Variants in TRABD2B observed in about 807,000 individuals in gnomAD.
TRABD2B encodes the protein metalloprotease TIKI2.
Under a neutral mutation model 40.1 loss-of-function variants are expected in TRABD2B, and 14 were observed. That is an observed-to-expected ratio of 0.35 (90% confidence interval 0.23 to 0.55). TRABD2B has a LOEUF of 0.55. Ranked by LOEUF, TRABD2B falls within the 20% of genes least tolerant of loss-of-function variation. The pLI is 0.90. For synonymous variants in TRABD2B, 263 were observed against 277.0 expected, an observed-to-expected ratio of 0.95 and a Z score of 0.50; for missense variants, 541 against 648.6, an observed-to-expected ratio of 0.83 and a Z score of 1.80.
At chr1:47,937,369 T>C (rs1407793909) in intron 2 of TRABD2B, among the ~76,000 whole-genome samples, 1 of 151,798 alleles carries the variant, frequency 6.6e-6, no homozygotes, top group Non-Finnish European at 1.5e-5. Context: ...GTCATGATCA[T>C]CATCATCACC....
intron 2 of TRABD2B, among the ~76,000 whole-genome samples, chr1:47,937,552 A>G (rs1570324624): frequency 6.6e-6 from 1 of 152,212 alleles, no homozygotes; most frequent in East Asian, 1.9e-4. Flanking sequence ...ACTGAGGCCC[A>G]GAAAATGGAA....
At chr1:47,925,371 AT>A (rs570228835) in intron 2 of TRABD2B, among the ~76,000 whole-genome samples, 6 of 152,246 alleles carry the variant, frequency 3.9e-5, no homozygotes, top group South Asian at 2.1e-4. Context: ...ATGAAAGAAG[AT>A]TTTTTTTATT....
chr1:47,896,659 C>T (rs1570239416), intron 2 of TRABD2B, among the ~76,000 whole-genome samples: 1 of 152,184 alleles, frequency 6.6e-6, no homozygotes, highest in South Asian at 2.1e-4. Flanking sequence ...GATCTGCCCA[C>T]GAGCTGAGCT....
chr1:47,869,736 C>T (rs1220880086), intron 2 of TRABD2B, among the ~76,000 whole-genome samples: 1 of 152,200 alleles, frequency 6.6e-6, no homozygotes, highest in African/African-American at 2.4e-5. Context: ...AATCGCATTG[C>T]CTTTGAGCAC....
intron 2 of TRABD2B, among the ~76,000 whole-genome samples, chr1:47,893,310 A>G (rs768000971): frequency 7.2e-5 from 11 of 152,052 alleles, no homozygotes; most frequent in Non-Finnish European, 1.0e-4. Flanking sequence ...CTGGTGTTCT[A>G]TGGGACAGAG....
chr1:47,919,578 G>A (rs1487326813), intron 2 of TRABD2B, among the ~76,000 whole-genome samples: 1 of 152,204 alleles, frequency 6.6e-6, no homozygotes, highest in Non-Finnish European at 1.5e-5. Context: ...CCTCTTTATG[G>A]ACTTTGGTCT....
At chr1:47,980,040 G>T (rs1208390619) in intron 2 of TRABD2B, among the ~76,000 whole-genome samples, 1 of 152,178 alleles carries the variant, frequency 6.6e-6, no homozygotes, top group Non-Finnish European at 1.5e-5. Context: ...TGGCCCCCCA[G>T]TGCACCCAGG....
intron 2 of TRABD2B, among the ~76,000 whole-genome samples, chr1:47,972,026 A>C (rs1367183827): frequency 6.6e-6 from 1 of 152,226 alleles, no homozygotes; most frequent in Non-Finnish European, 1.5e-5. Flanking sequence ...CACAACCTCT[A>C]ATCACACAAA....
intron 2 of TRABD2B, among the ~76,000 whole-genome samples, chr1:47,834,554 T>C (rs1428649944): frequency 1.4e-5 from 2 of 146,248 alleles, no homozygotes; most frequent in Non-Finnish European, 3.0e-5. Context: ...GTGTTAAGGA[T>C]GTGCTCCAAC....
intron 2 of TRABD2B, among the ~76,000 whole-genome samples, chr1:47,956,354 G>A (rs1645421784): frequency 6.6e-6 from 1 of 152,324 alleles, no homozygotes; most frequent in East Asian, 1.9e-4. Flanking sequence ...TCTCACTGGG[G>A]CTTGTCGGAC....
At chr1:47,766,849 A>C (rs1485177086) in intron 6 of TRABD2B, among the ~76,000 whole-genome samples, 2 of 152,196 alleles carry the variant, frequency 1.3e-5, no homozygotes, top group African/African-American at 4.8e-5. Flanking sequence ...ATTTACAAAA[A>C]CAGAATCTAG....
chr1:47,965,557 C>G (rs372390275), intron 2 of TRABD2B, among the ~76,000 whole-genome samples: 1 of 152,198 alleles, frequency 6.6e-6, no homozygotes. Context: ...ACCCGGGCCC[C>G]AGCCCTCCCC....
intron 2 of TRABD2B, among the ~76,000 whole-genome samples, chr1:47,888,980 T>G (rs554915148): frequency 6.6e-6 from 1 of 152,312 alleles, no homozygotes; most frequent in South Asian, 2.1e-4. Context: ...GCCCCTGTAC[T>G]TCTGGGTTGT....
intron 4 of TRABD2B, among the ~76,000 whole-genome samples, chr1:47,791,620 G>T (rs540580789): frequency 6.6e-6 from 1 of 152,290 alleles, no homozygotes; most frequent in African/African-American, 2.4e-5. Flanking sequence ...CCCCCAGGTG[G>T]GTAGGTGAGG....
intron 2 of TRABD2B, among the ~76,000 whole-genome samples, chr1:47,874,150 G>A (rs1200276037): frequency 6.6e-6 from 1 of 152,058 alleles, no homozygotes; most frequent in Non-Finnish European, 1.5e-5. Flanking sequence ...TTCCTGATGG[G>A]CAAAGTGGCC....
intron 2 of TRABD2B, among the ~76,000 whole-genome samples, chr1:47,969,125 T>C (rs187567172): frequency 7.2e-5 from 11 of 152,358 alleles, no homozygotes; most frequent in Non-Finnish European, 1.6e-4. Context: ...CTCGTTAACA[T>C]AGGAGCTCTG....
At chr1:47,844,786 A>C (rs953346743) in intron 2 of TRABD2B, among the ~76,000 whole-genome samples, 1 of 152,206 alleles carries the variant, frequency 6.6e-6, no homozygotes, top group African/African-American at 2.4e-5. Flanking sequence ...AGCATGAGTA[A>C]AGGTCAGGAA....
intron 2 of TRABD2B, among the ~76,000 whole-genome samples, chr1:47,894,092 C>T (rs938412846): frequency 5.9e-5 from 9 of 152,052 alleles, no homozygotes; most frequent in Non-Finnish European, 1.0e-4. Context: ...ATTGAGGGCT[C>T]GGCGCATGGG....
chr1:47,960,668 C>G (rs1645499422), intron 2 of TRABD2B, among the ~76,000 whole-genome samples: 1 of 152,058 alleles, frequency 6.6e-6, no homozygotes, highest in Non-Finnish European at 1.5e-5. Flanking sequence ...TGTGAAGGAC[C>G]TCTTCAAGGA....
Sources: allele counts gnomAD v4.1 joint callset (sites outside exome capture counted in the v4.1 genomes callset), GRCh38; gene constraint gnomAD v4.1.1; transcripts MANE v1.5; gene names NCBI Gene and HGNC (gene_info 2026-07-23, HGNC 2026-07-21).